FAIM2: variants seen among roughly 807,000 people sequenced by gnomAD.
FAIM2 encodes the protein protein lifeguard 2.
FAIM2 carries 27 observed loss-of-function variants against 47.4 expected under a neutral mutation model. The observed-to-expected ratio is 0.57, with a 90% CI of 0.42 to 0.78. The LOEUF (loss-of-function observed/expected upper bound fraction) is 0.78, where lower values mean the gene tolerates loss of function less well. FAIM2 is among the 30% of genes least tolerant of loss of function. The pLI is 0.00. For synonymous variants in FAIM2, 156 were observed against 159.3 expected (o/e 0.98, Z 0.16); for missense variants, 311 against 389.4 (o/e 0.80, Z 1.69).
At chr12:49,888,983 C>A (rs1946880446) in intron 10 of FAIM2, 124 bp downstream of exon 10, 1 of 722,996 alleles carries the variant, frequency 1.4e-6, no homozygotes. Flanking sequence ...AGGGGCCGCA[C>A]AGGATGGCAG....
chr12:49,878,377 C>A (rs111064881), intron 11 of FAIM2, among the ~76,000 whole-genome samples: 83,838 of 120,178 alleles, frequency 0.7, 32,889 homozygotes, highest in African/African-American at 0.81. Context: ...TGGGCATGTG[C>A]ATGTGTGTAT....
At chr12:49,899,683 G>C (rs1946967929) in intron 2 of FAIM2, among the ~76,000 whole-genome samples, 1 of 152,202 alleles carries the variant, frequency 6.6e-6, no homozygotes, top group Non-Finnish European at 1.5e-5. Flanking sequence ...CTGACTGTTA[G>C]GTGGGTTAGG....
chr12:49,899,258 C>T (rs1023913465), intron 2 of FAIM2, among the ~76,000 whole-genome samples: 6 of 152,154 alleles, frequency 3.9e-5, no homozygotes, highest in African/African-American at 9.7e-5. Context: ...CTCATCGTGG[C>T]CATTTCCAAG....
intron 11 of FAIM2, among the ~76,000 whole-genome samples, chr12:49,873,113 C>T (rs182248482): frequency 2.6e-5 from 4 of 152,112 alleles, no homozygotes; most frequent in African/African-American, 4.8e-5. Flanking sequence ...CTGAGAGGAG[C>T]CCTGCACGGG....
chr12:49,878,611 T>C lies in FAIM2; in HGVS notation c.802-7958A>G, dbSNP rs370826453. Among the ~76,000 whole-genome samples the C allele has an allele frequency of 8.5e-5, 9 of 105,318 alleles. No individual in the cohort carries two copies. In the South Asian group the frequency reaches 2.3e-3, roughly 26 times the overall value. The allele number at this position is 105,318 out of a possible 152,430, so 69.1% of individuals were successfully genotyped here. ...ATGTGTATGTGTATGTGTGCATGTG[T>C]ATGTGTGCATATGTGTATGTATGTG... On this transcript the variant is annotated intron_variant, in intron 11 of 11. Transcript: ENST00000320634.
In FAIM2 at chr12:49,870,243, G is replaced by T. The variant is rs1359529657; in HGVS notation, c.*261C>A. 1 of 373,764 alleles carries T rather than the reference G, an allele frequency of 2.7e-6. No individual in the cohort carries two copies. The highest frequency in any genetic ancestry group is 4.9e-6 in the Non-Finnish European group (1 of 203,276). 23.2% of individuals were successfully genotyped at this position (373,764 alleles called of 1,614,324 possible). On this transcript the variant is annotated 3_prime_UTR_variant, in exon 12 of 12. Coordinates refer to ENST00000320634, the MANE Select transcript of FAIM2 (RefSeq NM_012306.4). Reference sequence around the variant, plus strand: ...CCCTTGGACCCTCAAACCCAGAGGAGCCTTCAGCCTTGACCGTCCCAGTTT... The same window carrying T: ...CCCTTGGACCCTCAAACCCAGAGGATCCTTCAGCCTTGACCGTCCCAGTTT...
At chr12:49,884,940 C>G (rs1242997089) in intron 11 of FAIM2, among the ~76,000 whole-genome samples, 1 of 152,146 alleles carries the variant, frequency 6.6e-6, no homozygotes, top group African/African-American at 2.4e-5. Context: ...CGCTACTGCA[C>G]TCCAGCCTGG....
intron 5 of FAIM2, among the ~76,000 whole-genome samples, chr12:49,896,704 CAA>C (rs1430606818): frequency 5.9e-5 from 9 of 152,192 alleles, no homozygotes; most frequent in Non-Finnish European, 1.3e-4. Context: ...TAGTGTGGGC[CAA>C]AGTGTTCCAG....
chr12:49,878,775 T>C (rs1427189048), intron 11 of FAIM2, among the ~76,000 whole-genome samples: 1 of 115,920 alleles, frequency 8.6e-6, no homozygotes, highest in Non-Finnish European at 1.7e-5. Context: ...TTTGTGTGCA[T>C]GAGTGTATGT....
intron 3 of FAIM2, among the ~76,000 whole-genome samples, 187 bp from the exon 4 acceptor site, chr12:49,897,770 C>CA (rs902052885): frequency 4.0e-5 from 6 of 151,760 alleles, no homozygotes; most frequent in South Asian, 2.1e-4. Flanking sequence ...GCGCACCCCC[C>CA]CCCAGCATTG....
Position 49,870,609 on chromosome 12 carries a change from G to A in FAIM2, c.846C>T (p.His282=). The A allele has an allele frequency of 6.2e-7, 1 of 1,614,056 alleles. No individual in the cohort carries two copies. Among genetic ancestry groups the A allele is most frequent in the Non-Finnish European group, 8.5e-7 (1 of 1,179,948 alleles). ...AAATATACTCCTCAGGGCTCAGCGA[G>A]TGGCGTCGGTTACCCATCAGCAACT... ...DTQLLMGNRR[H]SLSPEEYIFG... The change falls in exon 12 of 12, where the codon CAC becomes CAT. Residue 282 remains histidine, a synonymous_variant. Coordinates refer to ENST00000320634, the MANE Select transcript of FAIM2 (RefSeq NM_012306.4).
chr12:49,889,611 T>G (rs1565617716), intron 8 of FAIM2, 43 bp from the exon 9 acceptor site: 1 of 1,535,972 alleles, frequency 6.5e-7, no homozygotes, highest in Non-Finnish European at 9.0e-7. Flanking sequence ...AGGCAGGGCA[T>G]CTGGTCTCCC....
intron 11 of FAIM2, among the ~76,000 whole-genome samples, chr12:49,875,229 C>T (rs990144495): frequency 6.6e-6 from 1 of 152,166 alleles, no homozygotes; most frequent in Non-Finnish European, 1.5e-5. Flanking sequence ...ACTGAATTCT[C>T]ACCATAAGCC....
chr12:49,898,204 A>C, intron 2 of FAIM2, 114 bp from the exon 3 acceptor site: 1 of 432,696 alleles, frequency 2.3e-6, no homozygotes, highest in African/African-American at 4.8e-5. Context: ...CTGGACCCTG[A>C]AGTCTTTCTC....
intron 1 of FAIM2, chr12:49,902,904 ATACAGGGAGAGGAGGGTCTGAGGG>A (rs1946991021): frequency 1.3e-5 from 2 of 152,216 alleles, no homozygotes; most frequent in African/African-American, 4.8e-5. Flanking sequence ...AAGAGCTTGC[ATACAGGGAGAGGAGGGTCTGAGGG>A]TCCAGGGAAG....
Position 49,901,280 on chromosome 12 carries a change from CCTG to C in FAIM2, c.58_60del (p.Gln20del), listed in dbSNP as rs1946980547. 1 of 1,606,602 alleles carries C rather than the reference CCTG, an allele frequency of 6.2e-7. No individual in the cohort carries two copies. The highest frequency in any genetic ancestry group is 1.1e-5 in the South Asian group (1 of 90,180). ...GGAGCCTCCTTCTTCTCGCCATGCA[CCTG>C]CTGCTGCCCCTCGGTCCCAGGGGCC... On this transcript the variant is annotated inframe_deletion, in exon 2 of 12. Coordinates refer to ENST00000320634, the MANE Select transcript of FAIM2 (RefSeq NM_012306.4).
At chr12:49,901,372 C>G (rs1336447194) in intron 1 of FAIM2, 47 bp from the exon 2 acceptor site, 2 of 1,381,530 alleles carry the variant, frequency 1.4e-6, no homozygotes, top group African/African-American at 1.5e-5. Context: ...GGAAAGGGAG[C>G]CTTCCAACTC....
chr12:49,890,652 G>A (rs778612212), intron 7 of FAIM2, 31 bp downstream of exon 7: 49 of 1,606,824 alleles, frequency 3.0e-5, no homozygotes, highest in African/African-American at 4.0e-5. Flanking sequence ...CCCACTCAGC[G>A]TCTGTCCTCA....
intron 6 of FAIM2, 113 bp downstream of exon 6, chr12:49,890,951 G>A (rs1412052008): frequency 9.2e-7 from 1 of 1,090,544 alleles, no homozygotes; most frequent in Non-Finnish European, 1.4e-6. Flanking sequence ...GCCCAGAGAG[G>A]GATGGGGCCC....
Sources: allele counts gnomAD v4.1 joint callset (sites outside exome capture counted in the v4.1 genomes callset), GRCh38; gene constraint gnomAD v4.1.1; transcripts MANE v1.5; gene names NCBI Gene and HGNC (gene_info 2026-07-23, HGNC 2026-07-21).